Variants in SPIDR observed in about 807,000 individuals in gnomAD.
SPIDR encodes the protein DNA repair-scaffolding protein.
A neutral mutation model predicts 104.6 loss-of-function variants in SPIDR; 93 were observed. The observed-to-expected ratio is 0.89, with a 90% CI of 0.75 to 1.06. SPIDR has a LOEUF of 1.06. SPIDR is among the 50% of genes least tolerant of loss of function. SPIDR has a pLI of 0.00. For synonymous variants in SPIDR, 431 were observed against 416.9 expected (o/e 1.03, Z -0.41); for missense variants, 1,154 against 1,111.2 (o/e 1.04, Z -0.55).
chr8:47,360,927 A>T, intron 5 of SPIDR: 1 of 985,240 alleles, frequency 1.0e-6, no homozygotes, highest in Non-Finnish European at 1.2e-6. Context: ...ACTTTGATTC[A>T]ACCAGTACTT....
chr8:47,658,246 CTG>C (rs2073306718), intron 10 of SPIDR, among the ~76,000 whole-genome samples: 1 of 151,632 alleles, frequency 6.6e-6, no homozygotes, highest in Non-Finnish European at 1.5e-5. Context: ...TGGAGAAACC[CTG>C]TCTCTACTAA....
At chr8:47,618,036 C>G (rs916897116) in intron 10 of SPIDR, among the ~76,000 whole-genome samples, 2 of 152,182 alleles carry the variant, frequency 1.3e-5, no homozygotes, top group Non-Finnish European at 2.9e-5. Flanking sequence ...CAAAAGATAT[C>G]TTTAATGCCA....
At chr8:47,385,377 G>A (rs1404183746) in intron 5 of SPIDR, among the ~76,000 whole-genome samples, 9 of 152,128 alleles carry the variant, frequency 5.9e-5, no homozygotes, top group Non-Finnish European at 1.3e-4. Context: ...ACCATAACCA[G>A]CACTTGATTA....
intron 5 of SPIDR, among the ~76,000 whole-genome samples, chr8:47,299,854 A>C (rs1159700408): frequency 7.2e-5 from 11 of 152,240 alleles, no homozygotes; most frequent in African/African-American, 2.6e-4. Context: ...TCGGTGTGCC[A>C]GTGTTTTATT....
chr8:47,373,854 T>C (rs1157497106), intron 5 of SPIDR, among the ~76,000 whole-genome samples: 1 of 152,238 alleles, frequency 6.6e-6, no homozygotes, highest in Non-Finnish European at 1.5e-5. Flanking sequence ...TTAATAAATA[T>C]ACAAGGGCAC....
rs531585171 is a variant in SPIDR at position 47,554,094 on chromosome 8, C to T, written c.1098-41717C>T. On this transcript the variant is annotated intron_variant, in intron 8 of 19. Coordinates refer to ENST00000297423, the MANE Select transcript of SPIDR (RefSeq NM_001080394.4). ...ACTGCAGAACGGCAAATGTTGCTGC[C>T]TGATCCTTCCTCTCAGATCTTCGTC... Among the ~76,000 whole-genome samples, 12 of 152,258 alleles carry T rather than the reference C, an allele frequency of 7.9e-5. No individual in the cohort carries two copies. The South Asian group carries it at 2.5e-3, about 32-fold the overall frequency.
intron 5 of SPIDR, among the ~76,000 whole-genome samples, chr8:47,345,281 G>A (rs1207989128): frequency 3.9e-5 from 6 of 152,082 alleles, no homozygotes; most frequent in Non-Finnish European, 7.4e-5. Flanking sequence ...ATAGATGTGT[G>A]GTATTATTTC....
At chr8:47,692,448 T>C (rs2078787170) in intron 11 of SPIDR, among the ~76,000 whole-genome samples, 1 of 152,064 alleles carries the variant, frequency 6.6e-6, no homozygotes, top group African/African-American at 2.4e-5. Context: ...GCAGAATGTT[T>C]TTAAGGTCCA....
At position 47,473,881 on chromosome 8, in the gene SPIDR, C is replaced by T. The variant is rs192998748; in HGVS notation, c.1097+33339C>T. ...AAAATACATGGTTCAGTGAATCATC[C>T]TACCCCAGCTAAGATACAAATGGTT... On this transcript the variant is annotated intron_variant, in intron 8 of 19. Coordinates refer to ENST00000297423, the MANE Select transcript of SPIDR (RefSeq NM_001080394.4). 1.9e-3 allele frequency among the ~76,000 whole-genome samples: 287 copies of T among 152,294 alleles called. 1 individual carries two copies. Among genetic ancestry groups the T allele is most frequent in the Admixed American group, 3.0e-3 (46 of 15,302 alleles).
intron 5 of SPIDR, among the ~76,000 whole-genome samples, chr8:47,295,702 A>G (rs2040721031): frequency 6.6e-6 from 1 of 152,286 alleles, no homozygotes; most frequent in South Asian, 2.1e-4. Flanking sequence ...GCATTCGTCT[A>G]GACACCTAGA....
At chr8:47,416,530 G>T (rs1340798326) in intron 7 of SPIDR, among the ~76,000 whole-genome samples, 3 of 151,962 alleles carry the variant, frequency 2.0e-5, no homozygotes, top group Admixed American at 2.0e-4. Context: ...TATTTTTCTG[G>T]GATAAATGAT....
chr8:47,721,422 T>C (rs1436855847), intron 16 of SPIDR, among the ~76,000 whole-genome samples: 1 of 152,128 alleles, frequency 6.6e-6, no homozygotes, highest in Non-Finnish European at 1.5e-5. Flanking sequence ...GGGTCTGTGT[T>C]CCCTTGATCT....
Position 47,396,526 on chromosome 8 carries a change from C to G in SPIDR, c.676C>G (p.Pro226Ala), listed in dbSNP as rs782769636. The G allele has an allele frequency of 1.2e-6, 2 of 1,613,988 alleles. No individual in the cohort carries two copies. The highest frequency in any genetic ancestry group is 1.7e-6 in the Non-Finnish European group (2 of 1,179,998). The change falls in exon 6 of 20, where the codon CCA becomes GCA. Residue 226 changes from proline (P) to alanine (A), a missense_variant. Coordinates refer to ENST00000297423, the MANE Select transcript of SPIDR (RefSeq NM_001080394.4). ...ACAGATTATGGAGAGACTGATAGAT[C>G]CAAGGACAAAATCAACAGAGACCAT... ...ARQIMERLID[P>A]RTKSTETILH... is the part of the protein sequence containing the mutation.
intron 16 of SPIDR, among the ~76,000 whole-genome samples, chr8:47,716,940 A>C (rs1367085011): frequency 6.6e-6 from 1 of 152,172 alleles, no homozygotes; most frequent in Non-Finnish European, 1.5e-5. Context: ...TAATGAAGAA[A>C]TTCTGCAGCC....
chr8:47,282,120 G>T (rs2037916292), intron 2 of SPIDR, among the ~76,000 whole-genome samples: 1 of 152,346 alleles, frequency 6.6e-6, no homozygotes, highest in Admixed American at 6.5e-5. Context: ...AAGTATTACA[G>T]TAAAGAATGC....
chr8:47,674,655 T>C (rs2076199010), intron 11 of SPIDR, among the ~76,000 whole-genome samples: 2 of 152,262 alleles, frequency 1.3e-5, no homozygotes. Context: ...ACATCTGAGC[T>C]ATAACAGTAT....
chr8:47,581,486 TA>T (rs993644066), intron 8 of SPIDR, among the ~76,000 whole-genome samples: 8 of 152,056 alleles, frequency 5.3e-5, no homozygotes, highest in Non-Finnish European at 1.5e-5. Context: ...ATGAGTCAGT[TA>T]AAAAATATAC....
intron 8 of SPIDR, among the ~76,000 whole-genome samples, chr8:47,543,285 G>T (rs369537396): frequency 6.6e-6 from 1 of 152,158 alleles, no homozygotes; most frequent in Non-Finnish European, 1.5e-5. Context: ...ACATTGCCAC[G>T]AGTAATGTGT....
At chr8:47,458,323 G>GTATTTTATTT (rs71225684) in intron 8 of SPIDR, among the ~76,000 whole-genome samples, 5,688 of 112,226 alleles carry the variant, frequency 0.051, 289 homozygotes, top group African/African-American at 0.097. Flanking sequence ...ATATTCCTAA[G>GTATTTTATTT]TATTTTATTT....
Sources: gnomAD v4.1 joint callset for allele counts (sites outside exome capture counted in the v4.1 genomes callset) on GRCh38, gnomAD v4.1.1 for gene constraint, MANE v1.5 for transcripts, NCBI Gene and HGNC (gene_info 2026-07-23, HGNC 2026-07-21) for gene names.